SNAPC3: variants seen among roughly 807,000 people sequenced by gnomAD.
SNAPC3 encodes the protein snRNA-activating protein complex subunit 3.
A neutral mutation model predicts 47.7 loss-of-function variants in SNAPC3; 56 were observed. The observed-to-expected ratio is 1.18, with a 90% confidence interval of 0.95 to 1.47. The LOEUF (loss-of-function observed/expected upper bound fraction) is 1.47, where lower values mean the gene tolerates loss of function less well. Ranked by LOEUF, SNAPC3 falls within the 40% of genes most tolerant of loss-of-function variation. The probability of loss-of-function intolerance (pLI) is 0.00; values close to 1 mark genes in which losing one functional copy is unlikely to be tolerated. For missense variants in SNAPC3, 665 were observed against 511.3 expected, an observed-to-expected ratio of 1.30 and a Z score of -2.90; for synonymous variants, 235 against 189.9, an observed-to-expected ratio of 1.24 and a Z score of -1.95.
chr9:15,437,328 G>T (rs2032918880), intron 3 of SNAPC3, among the ~76,000 whole-genome samples: 1 of 151,884 alleles, frequency 6.6e-6, no homozygotes. Context: ...CGCCTCCCGG[G>T]TTCAAGTGAT....
At position 15,449,631 on chromosome 9, in the gene SNAPC3, C is replaced by T. The variant is rs1240171755; in HGVS notation, c.733-1689C>T. On this transcript the variant is annotated intron_variant, in intron 5 of 8. Coordinates refer to ENST00000380821, the MANE Select transcript of SNAPC3 (RefSeq NM_001039697.2). ...TCTTGCCCAGGCTGGAGTGCAATGG[C>T]ACCGTCTCGGCTCACTGCAACCTCT... 6.7e-5 allele frequency among the ~76,000 whole-genome samples: 9 copies of T among 133,518 alleles called. No homozygotes were observed. In the Admixed American group the frequency reaches 7.7e-4, roughly 11 times the overall value. 87.6% of individuals were successfully genotyped at this position (133,518 alleles called of 152,430 possible).
At chr9:15,426,165 A>AT (rs769744318) in intron 2 of SNAPC3, among the ~76,000 whole-genome samples, 3 of 152,020 alleles carry the variant, frequency 2.0e-5, no homozygotes, top group South Asian at 2.1e-4. Context: ...GACCTTGCTG[A>AT]TTTTTTTTAA....
At chr9:15,428,755 T>C (rs530952283) in intron 2 of SNAPC3, among the ~76,000 whole-genome samples, 1 of 151,564 alleles carries the variant, frequency 6.6e-6, no homozygotes, top group East Asian at 1.9e-4. Context: ...GAAAATAGAC[T>C]GAAATGAAAG....
intron 4 of SNAPC3, 47 bp downstream of exon 4, chr9:15,444,753 T>C: frequency 1.0e-6 from 1 of 982,030 alleles, no homozygotes; most frequent in Non-Finnish European, 1.6e-6. Context: ...GTAACTTTTG[T>C]AAAAGTGTTT....
intron 3 of SNAPC3, among the ~76,000 whole-genome samples, chr9:15,441,541 G>T (rs1054996399): frequency 6.6e-6 from 1 of 151,648 alleles, no homozygotes; most frequent in Non-Finnish European, 1.5e-5. Flanking sequence ...AGGACCCTGC[G>T]GCCTTCTGCA....
intron 2 of SNAPC3, among the ~76,000 whole-genome samples, chr9:15,428,260 C>G (rs892902944): frequency 1.3e-5 from 2 of 152,040 alleles, no homozygotes; most frequent in Non-Finnish European, 2.9e-5. Context: ...GAAATAAAAT[C>G]TAACGAGAGC....
intron 2 of SNAPC3, among the ~76,000 whole-genome samples, chr9:15,426,121 TG>T (rs1392479889): frequency 6.6e-6 from 1 of 152,172 alleles, no homozygotes; most frequent in Non-Finnish European, 1.5e-5. Flanking sequence ...CCCAAAGTGT[TG>T]GGATTACAGA....
chr9:15,453,217 C>G lies in SNAPC3; in HGVS notation c.980+12C>G. The G allele has an allele frequency of 1.9e-6, 3 of 1,567,854 alleles. No individual in the cohort carries two copies. The highest frequency in any genetic ancestry group is 2.6e-6 in the Non-Finnish European group (3 of 1,156,326). ...ATTACTGACATAAGGTAGGTGACAG[C>G]ACTTAAGACATTTTGTTACCTTTTT... On this transcript the variant is annotated intron_variant, in intron 7 of 8. Transcript: ENST00000380821.
At chr9:15,461,712 A>ATTAT (rs2035236778), downstream of SNAPC3, 2 of 152,332 alleles carry the variant, frequency 1.3e-5, no homozygotes, top group South Asian at 4.1e-4. Context: ...GAAACCTATA[A>ATTAT]GCCTATGTGT....
At chr9:15,465,772 T>C (rs2132026880), downstream of SNAPC3, 2 of 516,624 alleles carry the variant, frequency 3.9e-6, no homozygotes, top group Middle Eastern at 4.7e-4. Flanking sequence ...TTTTACCATG[T>C]TGTATCTTCT....
chr9:15,443,668 A>G (rs1010180913), intron 3 of SNAPC3, among the ~76,000 whole-genome samples: 3 of 152,118 alleles, frequency 2.0e-5, no homozygotes, highest in African/African-American at 7.2e-5. Context: ...GTCAAAACCA[A>G]TGCACGTACC....
At chr9:15,432,330 G>A (rs1005301805) in intron 2 of SNAPC3, among the ~76,000 whole-genome samples, 1 of 152,058 alleles carries the variant, frequency 6.6e-6, no homozygotes, top group Non-Finnish European at 1.5e-5. Context: ...TATATTTCCT[G>A]CCTATCTCAG....
chr9:15,454,103 T>C (rs1587386236), intron 7 of SNAPC3, among the ~76,000 whole-genome samples: 1 of 152,058 alleles, frequency 6.6e-6, no homozygotes, highest in East Asian at 1.9e-4. Context: ...CATAGTGGTG[T>C]GTGCCTGTAA....
chr9:15,434,627 A>C (rs1185490547), intron 3 of SNAPC3, among the ~76,000 whole-genome samples: 1 of 152,022 alleles, frequency 6.6e-6, no homozygotes, highest in East Asian at 1.9e-4. Context: ...GCTGGTCTCG[A>C]ACCCTTGACC....
At chr9:15,426,260 A>G (rs2031383063) in intron 2 of SNAPC3, among the ~76,000 whole-genome samples, 1 of 151,308 alleles carries the variant, frequency 6.6e-6, no homozygotes, top group South Asian at 2.1e-4. Context: ...TTTGCCCAGA[A>G]CAGTCATTCT....
In SNAPC3 at chr9:15,423,978, G is replaced by A; in HGVS notation, c.384G>A (p.Val128=). The part of the protein sequence containing the change: ...PEVIPENTDL[V]TLGVRKRFLE... Reference sequence around the variant, plus strand: ...TCATTCCGGAGAATACTGACCTGGTGACTTTGGGGTATGGAGGACTTGGTT... The same window carrying A: ...TCATTCCGGAGAATACTGACCTGGTAACTTTGGGGTATGGAGGACTTGGTT... The change falls in exon 2 of 9, where the codon GTG becomes GTA. Residue 128 remains valine, a synonymous_variant. Coordinates refer to ENST00000380821, the MANE Select transcript of SNAPC3 (RefSeq NM_001039697.2). The A allele has an allele frequency of 6.4e-7, 1 of 1,566,988 alleles. No homozygotes were observed.
intron 3 of SNAPC3, among the ~76,000 whole-genome samples, chr9:15,435,253 A>G (rs1056142856): frequency 2.0e-5 from 3 of 152,060 alleles, no homozygotes; most frequent in African/African-American, 7.2e-5. Flanking sequence ...CCATTTTCAA[A>G]TTGGGTTGTT....
At chr9:15,426,431 C>G (rs143663514) in intron 2 of SNAPC3, among the ~76,000 whole-genome samples, 4 of 152,270 alleles carry the variant, frequency 2.6e-5, no homozygotes, top group African/African-American at 9.6e-5. Flanking sequence ...TTTCTGTCTT[C>G]TTAGCTACAC....
chr9:15,430,599 C>A (rs2032012710), intron 2 of SNAPC3, among the ~76,000 whole-genome samples: 1 of 152,010 alleles, frequency 6.6e-6, no homozygotes, highest in Non-Finnish European at 1.5e-5. Flanking sequence ...CCAAAGGTAC[C>A]CCTCCAACAA....
Sources: gnomAD v4.1 joint callset for allele counts (sites outside exome capture counted in the v4.1 genomes callset) on GRCh38, gnomAD v4.1.1 for gene constraint, MANE v1.5 for transcripts, NCBI Gene and HGNC (gene_info 2026-07-23, HGNC 2026-07-21) for gene names.